EDC3: variants seen among roughly 807,000 people sequenced by gnomAD.
EDC3 encodes the protein enhancer of mRNA-decapping protein 3.
In EDC3, 20 loss-of-function variants were observed where a neutral mutation model predicts 41.8. The ratio of observed to expected loss-of-function variants is 0.48; its 90% CI spans 0.34 to 0.70. The LOEUF (loss-of-function observed/expected upper bound fraction) is 0.70. Among genes scored for constraint, EDC3 ranks in the 30% least tolerant of loss-of-function variants. EDC3 has a pLI of 0.01. For synonymous variants in EDC3, 206 were observed against 243.2 expected (o/e 0.85, Z 1.42); for missense variants, 444 against 636.8 (o/e 0.70, Z 3.26).
intron 3 of EDC3, among the ~76,000 whole-genome samples, chr15:74,657,389 G>T (rs1286764393): frequency 1.3e-5 from 2 of 152,168 alleles, no homozygotes; most frequent in Non-Finnish European, 2.9e-5. Flanking sequence ...TGAGTGAGTG[G>T]AGTTTGATCC....
At chr15:74,662,067 G>A (rs2062627222) in intron 3 of EDC3, among the ~76,000 whole-genome samples, 1 of 151,970 alleles carries the variant, frequency 6.6e-6, no homozygotes, top group Non-Finnish European at 1.5e-5. Flanking sequence ...ATAAATCATA[G>A]ATCATACCAT....
At chr15:74,662,635 T>C (rs539457287) in intron 3 of EDC3, among the ~76,000 whole-genome samples, 1 of 152,170 alleles carries the variant, frequency 6.6e-6, no homozygotes, top group South Asian at 2.1e-4. Flanking sequence ...AGGGCTTCAG[T>C]GGAAAAACTT....
At chr15:74,653,292 T>G (rs1199249348) in intron 4 of EDC3, among the ~76,000 whole-genome samples, 1 of 152,156 alleles carries the variant, frequency 6.6e-6, no homozygotes, top group Non-Finnish European at 1.5e-5. Context: ...CATTTTATGC[T>G]TTTAGACTGT....
chr15:74,694,516 G>A (rs2063043814), intron 1 of EDC3, among the ~76,000 whole-genome samples: 1 of 152,184 alleles, frequency 6.6e-6, no homozygotes, highest in Non-Finnish European at 1.5e-5. Context: ...ACGTTGCCCA[G>A]ACTGGTCTCC....
At chr15:74,645,940 T>TTA (rs1243464408) in intron 4 of EDC3, among the ~76,000 whole-genome samples, 1 of 152,062 alleles carries the variant, frequency 6.6e-6, no homozygotes, top group Non-Finnish European at 1.5e-5. Context: ...TTAAAAATGT[T>TTA]TATAGAGTAA....
intron 1 of EDC3, among the ~76,000 whole-genome samples, chr15:74,687,400 G>T (rs1203924060): frequency 2.0e-5 from 3 of 152,126 alleles, no homozygotes; most frequent in Admixed American, 6.6e-5. Context: ...ATGAAACAGA[G>T]CCTTGCTCTG....
chr15:74,661,526 C>T (rs2062620050), intron 3 of EDC3, among the ~76,000 whole-genome samples: 1 of 151,656 alleles, frequency 6.6e-6, no homozygotes, highest in African/African-American at 2.4e-5. Flanking sequence ...ACCTGTAATC[C>T]CAATACTTTG....
chr15:74,676,968 C>G (rs373235571), intron 1 of EDC3: 1 of 152,212 alleles, frequency 6.6e-6, no homozygotes, highest in African/African-American at 2.4e-5. Context: ...ATCCAAAACA[C>G]TGACAACACC....
At chr15:74,677,954 A>T (rs558393631) in intron 1 of EDC3, among the ~76,000 whole-genome samples, 1 of 152,314 alleles carries the variant, frequency 6.6e-6, no homozygotes, top group Non-Finnish European at 1.5e-5. Flanking sequence ...GACATGGAGG[A>T]AACTGAAAAG....
chr15:74,637,095 T>A (rs965408068), intron 5 of EDC3: 4 of 152,148 alleles, frequency 2.6e-5, no homozygotes, highest in African/African-American at 9.7e-5. Flanking sequence ...TTATTTAGCT[T>A]TGAGGTGAAG....
chr15:74,670,906 C>T (rs1232734408), intron 3 of EDC3, among the ~76,000 whole-genome samples: 1 of 152,116 alleles, frequency 6.6e-6, no homozygotes, highest in Non-Finnish European at 1.5e-5. Context: ...GGATCAGTCC[C>T]CTCCTCTCTT....
intron 3 of EDC3, among the ~76,000 whole-genome samples, chr15:74,660,353 G>A (rs1469039878): frequency 1.3e-5 from 2 of 151,810 alleles, no homozygotes; most frequent in Non-Finnish European, 2.9e-5. Context: ...GCAGTGAGCT[G>A]AGATCAAGAT....
At chr15:74,669,994 C>A (rs1465822705) in intron 3 of EDC3, among the ~76,000 whole-genome samples, 2 of 150,258 alleles carry the variant, frequency 1.3e-5, no homozygotes, top group African/African-American at 4.9e-5. Context: ...CAGGTGCACG[C>A]TGCCACGCCC....
chr15:74,675,943 C>T (rs530213225), intron 1 of EDC3, among the ~76,000 whole-genome samples: 11 of 151,410 alleles, frequency 7.3e-5, no homozygotes, highest in Non-Finnish European at 1.0e-4. Flanking sequence ...CTAAACCTAA[C>T]GACTACAGAA....
intron 4 of EDC3, chr15:74,641,378 C>T (rs1181234134): frequency 6.6e-6 from 1 of 152,466 alleles, no homozygotes; most frequent in Non-Finnish European, 1.5e-5. Context: ...GTGGAAAATA[C>T]TTGGTTTTTC....
intron 4 of EDC3, among the ~76,000 whole-genome samples, chr15:74,649,541 A>G (rs1173969261): frequency 2.3e-4 from 35 of 152,326 alleles, no homozygotes; most frequent in Non-Finnish European, 1.0e-4. Flanking sequence ...GGTATTCTAT[A>G]AATGCTGATG....
intron 4 of EDC3, among the ~76,000 whole-genome samples, chr15:74,652,599 T>G (rs2062494527): frequency 6.6e-6 from 1 of 151,326 alleles, no homozygotes. Context: ...GTTTTTTTTT[T>G]GAGACAGGGT....
intron 1 of EDC3, among the ~76,000 whole-genome samples, chr15:74,690,578 A>T (rs1007339887): frequency 4.6e-5 from 7 of 152,254 alleles, no homozygotes; most frequent in Non-Finnish European, 7.3e-5. Context: ...TAGATTTCTG[A>T]AAAACTAGGA....
chr15:74,660,266 T>G (rs147464179), intron 3 of EDC3, among the ~76,000 whole-genome samples: 8,506 of 151,500 alleles, frequency 0.056, 327 homozygotes, highest in Middle Eastern at 0.082. Context: ...TAGCCAGGCA[T>G]GGTGGTGTGC....
Sources: allele counts gnomAD v4.1 joint callset (sites outside exome capture counted in the v4.1 genomes callset), GRCh38; gene constraint gnomAD v4.1.1; transcripts MANE v1.5; gene names NCBI Gene and HGNC (gene_info 2026-07-23, HGNC 2026-07-21).